The following CPA6 variants were observed in gnomAD, a reference collection of about 807,000 sequenced individuals.
The protein encoded by CPA6 is carboxypeptidase A6.
In CPA6, 58 loss-of-function variants were observed where a neutral mutation model predicts 63.3. That is an observed-to-expected ratio of 0.92 (90% CI 0.74 to 1.14). The LOEUF (loss-of-function observed/expected upper bound fraction) is 1.14, where lower values mean the gene tolerates loss of function less well. Ranked by LOEUF, CPA6 falls within the 50% of genes most tolerant of loss-of-function variation. CPA6 has a pLI of 0.00. For missense variants in CPA6, 565 were observed against 526.6 expected (o/e 1.07, Z -0.71); for synonymous variants, 185 against 179.0 (o/e 1.03, Z -0.27).
At chr8:67,531,260 A>C (rs565477976) in intron 2 of CPA6, among the ~76,000 whole-genome samples, 49 of 152,302 alleles carry the variant, frequency 3.2e-4, no homozygotes, top group African/African-American at 1.1e-3. Flanking sequence ...AAAGCATCAA[A>C]AAGAAATGAG....
chr8:67,547,172 G>C (rs1052405172), intron 2 of CPA6, among the ~76,000 whole-genome samples: 1 of 151,656 alleles, frequency 6.6e-6, no homozygotes, highest in African/African-American at 2.4e-5. Flanking sequence ...TCAGCCTCCC[G>C]AGTAGCTGAG....
intron 4 of CPA6, 93 bp downstream of exon 4, chr8:67,511,448 C>T: frequency 2.7e-6 from 2 of 740,116 alleles, no homozygotes; most frequent in Middle Eastern, 2.9e-4. Flanking sequence ...ATGCTTCTCC[C>T]CTAGAAGCAT....
intron 3 of CPA6, among the ~76,000 whole-genome samples, chr8:67,513,194 T>C (rs941363221): frequency 1.3e-5 from 2 of 152,198 alleles, no homozygotes; most frequent in Non-Finnish European, 2.9e-5. Flanking sequence ...ACCATCTGTA[T>C]TAGTGCTTTC....
chr8:67,465,529 T>C (rs947574995), intron 8 of CPA6, among the ~76,000 whole-genome samples: 3 of 152,178 alleles, frequency 2.0e-5, no homozygotes, highest in Non-Finnish European at 2.9e-5. Context: ...CTTCCAGTAC[T>C]ATGTTGAATA....
rs991845120 is a variant in CPA6, at chr8:67,461,293, T to C, written c.838+22475A>G. ...CGAGCATGCTGCCTTCAAGCATCTG[T>C]TTAACAAAGCACATCTTGCACCGCC... is the stretch of plus-strand genomic sequence containing the variant. On this transcript the variant is annotated intron_variant, in intron 8 of 10. Coordinates refer to ENST00000297770, the MANE Select transcript of CPA6 (RefSeq NM_020361.5). Among the ~76,000 whole-genome samples the C allele has an allele frequency of 1.6e-4, 23 of 144,498 alleles. 1 individual carries two copies. The highest frequency in any genetic ancestry group is 5.2e-4 in the African/African-American group (20 of 38,234). 94.8% of individuals were successfully genotyped at this position (144,498 alleles called of 152,430 possible).
At chr8:67,725,822 G>T (rs1332877080) in intron 1 of CPA6, among the ~76,000 whole-genome samples, 1 of 152,110 alleles carries the variant, frequency 6.6e-6, no homozygotes, top group African/African-American at 2.4e-5. Context: ...GGGATAACAT[G>T]CGTAAGCCAC....
Position 67,506,873 on chromosome 8 carries a change from G to A in CPA6, c.550C>T (p.Arg184Ter), listed in dbSNP as rs139885924. 8.7e-6 allele frequency: 14 copies of A among 1,613,000 alleles called. No homozygotes were observed. Among genetic ancestry groups the A allele is most frequent in the South Asian group, 7.7e-5 (7 of 91,046 alleles). The change falls in exon 6 of 11, where the codon CGA becomes TGA. Residue 184 changes from arginine to a stop codon, truncating the protein, a stop_gained. Coordinates refer to ENST00000297770, the MANE Select transcript of CPA6 (RefSeq NM_020361.5). LOFTEE classifies it high-confidence loss of function. ...TCTATCCAAACAGCTCTTTTGAGTC[G>A]TGATCGTCTGCCCAGCTGAAAACAA... is the stretch of plus-strand genomic sequence containing the variant. ...LFILKLGRRSRLKRAVWIDCG... is the reference protein window; with the variant it reads ...LFILKLGRRS
chr8:67,492,929 T>G (rs942295541), intron 6 of CPA6, among the ~76,000 whole-genome samples: 2 of 152,034 alleles, frequency 1.3e-5, no homozygotes, highest in African/African-American at 2.4e-5. Flanking sequence ...TGAAGGAGAT[T>G]GGGGAGAGTG....
At chr8:67,627,985 C>T (rs951230070) in intron 1 of CPA6, among the ~76,000 whole-genome samples, 1 of 152,168 alleles carries the variant, frequency 6.6e-6, no homozygotes, top group Non-Finnish European at 1.5e-5. Context: ...GTCTCAGTTT[C>T]TTCACTGGAG....
At chr8:67,475,870 TC>T (rs1365237791) in intron 8 of CPA6, among the ~76,000 whole-genome samples, 1,257 of 92,142 alleles carry the variant, frequency 0.014, 36 homozygotes, top group East Asian at 0.017. Flanking sequence ...TTTCTTTCTT[TC>T]TTTCTTTCTC....
At chr8:67,652,349 A>G (rs963287780) in intron 1 of CPA6, among the ~76,000 whole-genome samples, 12 of 152,344 alleles carry the variant, frequency 7.9e-5, no homozygotes, top group East Asian at 7.7e-4. Flanking sequence ...ACTAGTTTAC[A>G]GTCCCACCAA....
chr8:67,666,539 G>T (rs780809725), intron 1 of CPA6, among the ~76,000 whole-genome samples: 1 of 152,068 alleles, frequency 6.6e-6, no homozygotes, highest in Non-Finnish European at 1.5e-5. Flanking sequence ...AGTTCCCCTT[G>T]GCTCCTCTTT....
At chr8:67,509,336 C>T (rs1811995580) in intron 5 of CPA6, among the ~76,000 whole-genome samples, 181 bp downstream of exon 5, 1 of 152,086 alleles carries the variant, frequency 6.6e-6, no homozygotes. Flanking sequence ...TCTGAAATAT[C>T]CAATGGCAAA....
intron 6 of CPA6, among the ~76,000 whole-genome samples, chr8:67,503,217 T>G (rs904988941): frequency 6.6e-6 from 1 of 152,004 alleles, no homozygotes; most frequent in Non-Finnish European, 1.5e-5. Context: ...TTTTGTAATT[T>G]TAGTAGAGAC....
chr8:67,434,678 C>T (rs1810106809), intron 8 of CPA6, among the ~76,000 whole-genome samples: 5 of 152,210 alleles, frequency 3.3e-5, no homozygotes, highest in Admixed American at 3.3e-4. Flanking sequence ...CGCTTGGCAA[C>T]AACACAAGTC....
rs532438419 is a variant in CPA6 at position 67,610,508 on chromosome 8, A to G, written c.192+13668T>C. On this transcript the variant is annotated intron_variant, in intron 2 of 10. Transcript: ENST00000297770. ...TATTTGCTGTCAATTATCTAAATATACTAAGATGAAACATGCTTAGATTAC... is the reference window on the plus strand; with the variant it reads ...TATTTGCTGTCAATTATCTAAATATGCTAAGATGAAACATGCTTAGATTAC... 1.3e-5 allele frequency among the ~76,000 whole-genome samples: 2 copies of G among 152,354 alleles called. 1 individual carries two copies. The highest frequency in any genetic ancestry group is 4.1e-4 in the South Asian group (2 of 4,828).
intron 2 of CPA6, among the ~76,000 whole-genome samples, chr8:67,622,882 G>A (rs1398649531): frequency 6.6e-6 from 1 of 152,106 alleles, no homozygotes; most frequent in African/African-American, 2.4e-5. Context: ...CATAGTTTTT[G>A]GGCTTGCTTG....
At chr8:67,501,678 G>A (rs1198863438) in intron 6 of CPA6, among the ~76,000 whole-genome samples, 1 of 152,046 alleles carries the variant, frequency 6.6e-6, no homozygotes, top group Non-Finnish European at 1.5e-5. Flanking sequence ...CAGGATTTCT[G>A]TATCTATTTT....
intron 1 of CPA6, among the ~76,000 whole-genome samples, chr8:67,729,769 T>C (rs1273311390): frequency 6.6e-6 from 1 of 152,118 alleles, no homozygotes; most frequent in Non-Finnish European, 1.5e-5. Context: ...ATGAAACAAA[T>C]AGTTTATAGG....
Sources: gnomAD v4.1 joint callset for allele counts (sites outside exome capture counted in the v4.1 genomes callset) on GRCh38, gnomAD v4.1.1 for gene constraint, MANE v1.5 for transcripts, NCBI Gene and HGNC (gene_info 2026-07-23, HGNC 2026-07-21) for gene names.